Variants in CIT observed in about 807,000 individuals in gnomAD.
CIT encodes citron Rho-interacting kinase.
A neutral mutation model predicts 272.7 loss-of-function variants in CIT; 79 were observed. The ratio of observed to expected loss-of-function variants is 0.29; its 90% CI spans 0.24 to 0.35. The LOEUF (loss-of-function observed/expected upper bound fraction) is 0.35. Ranked by LOEUF, CIT falls within the 10% of genes least tolerant of loss-of-function variation. The pLI, the probability that CIT is intolerant of heterozygous loss-of-function variation, is 1.00. For synonymous variants in CIT, 948 were observed against 995.6 expected (o/e 0.95, Z 0.90); for missense variants, 1,909 against 2,618.3 (o/e 0.73, Z 5.91).
chr12:119,731,866 C>T (rs947049602), intron 26 of CIT, among the ~76,000 whole-genome samples: 2 of 146,046 alleles, frequency 1.4e-5, no homozygotes, highest in Non-Finnish European at 3.0e-5. Context: ...GATGGAGTCC[C>T]ACTCTGTCGC....
At chr12:119,746,457 C>A (rs1959421195) in intron 23 of CIT, among the ~76,000 whole-genome samples, 1 of 152,186 alleles carries the variant, frequency 6.6e-6, no homozygotes, top group Admixed American at 6.5e-5. Context: ...GGTGTGAAAT[C>A]TCTCAAAAAC....
At chr12:119,803,536 C>T (rs1384735107) in intron 9 of CIT, 147 bp from the exon 10 acceptor site, 1 of 538,750 alleles carries the variant, frequency 1.9e-6, no homozygotes, top group Non-Finnish European at 3.2e-6. Flanking sequence ...AACCTCGGCT[C>T]CTACAGCAAC....
chr12:119,745,394 A>AAAAAAAAAAAAAC (rs1565978173), intron 23 of CIT, among the ~76,000 whole-genome samples: 1 of 146,138 alleles, frequency 6.8e-6, no homozygotes, highest in African/African-American at 2.5e-5. Context: ...AAAAAAAAAA[A>AAAAAAAAAAAAAC]AAAACACCTG....
intron 40 of CIT, among the ~76,000 whole-genome samples, chr12:119,705,021 T>C (rs1214353626): frequency 6.6e-6 from 1 of 152,156 alleles, no homozygotes; most frequent in African/African-American, 2.4e-5. Flanking sequence ...CAAGCCATTC[T>C]CCCACCTCAG....
intron 9 of CIT, among the ~76,000 whole-genome samples, chr12:119,818,396 A>G (rs1967393017): frequency 6.6e-6 from 1 of 152,264 alleles, no homozygotes. Flanking sequence ...AAGTAGGCAC[A>G]GAATCCCTAT....
Position 119,713,819 on chromosome 12 carries a change from G to A in CIT, c.4307-171C>T. 7 of 700,478 alleles carry A rather than the reference G, an allele frequency of 1.0e-5. No homozygotes were observed. The highest frequency in any genetic ancestry group is 9.4e-5 in the South Asian group (5 of 53,316). The allele number at this position is 700,478 out of a possible 1,614,324, so 43.4% of individuals were successfully genotyped here. On this transcript the variant is annotated intron_variant, in intron 33 of 47. Coordinates refer to ENST00000392521, the MANE Select transcript of CIT (RefSeq NM_001206999.2). This position sits in a 1 kb window ranked among gnomAD's most constrained non-coding sequence, Gnocchi z 5.2. ...CCTGGTGCCAGGCCCCTGCAGAAAG[G>A]GAAAACAAAAGTGCCAAGTGCTCTT...
At position 119,688,103 on chromosome 12, in the gene CIT, G is replaced by C; in HGVS notation, c.*129C>G. ...AGACAGGGGTGTCCGTGCCGAGGTG[G>C]GTCTGGGCCCCGCTGAGCCAGAGGG... On this transcript the variant is annotated 3_prime_UTR_variant, in exon 48 of 48. Coordinates refer to ENST00000392521, the MANE Select transcript of CIT (RefSeq NM_001206999.2). The C allele has an allele frequency of 1.0e-6, 1 of 991,058 alleles. No individual in the cohort carries two copies. The highest frequency in any genetic ancestry group is 1.6e-6 in the Non-Finnish European group (1 of 624,172). 61.4% of individuals were successfully genotyped at this position (991,058 alleles called of 1,614,324 possible). A position where few individuals can be genotyped will look rare whatever the true frequency, so the allele number is the denominator to read the frequency against.
At chr12:119,864,075 C>T (rs1033591556) in intron 3 of CIT, among the ~76,000 whole-genome samples, 121 of 151,458 alleles carry the variant, frequency 8.0e-4, no homozygotes, top group African/African-American at 2.8e-3. Flanking sequence ...GACTCAGATG[C>T]ACGTTTAACC....
intron 28 of CIT, among the ~76,000 whole-genome samples, chr12:119,723,446 T>C (rs1957911853): frequency 6.8e-6 from 1 of 147,146 alleles, no homozygotes; most frequent in African/African-American, 2.5e-5. Flanking sequence ...CTCTATGAAA[T>C]GTTTTTCAGA....
intron 10 of CIT, among the ~76,000 whole-genome samples, chr12:119,792,202 C>A (rs1419422668): frequency 1.3e-5 from 2 of 152,148 alleles, no homozygotes; most frequent in Non-Finnish European, 2.9e-5. Flanking sequence ...GGACCCTATG[C>A]CTGCAAAATA....
intron 39 of CIT, 136 bp from the exon 40 acceptor site, chr12:119,708,454 T>C: frequency 1.2e-6 from 1 of 852,024 alleles, no homozygotes; most frequent in Non-Finnish European, 1.6e-6. Flanking sequence ...CAAATCCATA[T>C]AAACACATTT....
rs758842467 is a variant in CIT at position 119,742,581 on chromosome 12, A to G, written c.2905-117T>C. Reference sequence around the variant, plus strand: ...GGAAAGCCGAGAATGCGGCACCAGCATCTGTTTTTCTAAGAACTAATTAAT... The same window carrying G: ...GGAAAGCCGAGAATGCGGCACCAGCGTCTGTTTTTCTAAGAACTAATTAAT... On this transcript the variant is annotated intron_variant, in intron 23 of 47. Coordinates refer to ENST00000392521, the MANE Select transcript of CIT (RefSeq NM_001206999.2). 1.8e-3 allele frequency: 1,193 copies of G among 645,274 alleles called. 32 individuals carry two copies. The highest frequency in any genetic ancestry group is 1.9e-3 in the Middle Eastern group (7 of 3,670). The allele number at this position is 645,274 out of a possible 1,614,324, so 40.0% of individuals were successfully genotyped here.
rs1228245585 is a variant in CIT at position 119,716,464 on chromosome 12, G to T, written c.4168+1781C>A. On this transcript the variant is annotated intron_variant, in intron 32 of 47. Transcript: ENST00000392521. ...TATATAAACACAGGAGGAAGAAAAT[G>T]ACTTCAGGCTAAAGAAAAACAACAG... 9.6e-5 allele frequency among the ~76,000 whole-genome samples: 13 copies of T among 135,158 alleles called. 1 individual carries two copies. The South Asian group carries it at 2.7e-3, about 28-fold the overall frequency. 88.7% of individuals were successfully genotyped at this position (135,158 alleles called of 152,430 possible). A position where few individuals can be genotyped will look rare whatever the true frequency, so the allele number is the denominator to read the frequency against.
chr12:119,730,459 A>C, intron 27 of CIT, 36 bp downstream of exon 27: 1 of 1,544,178 alleles, frequency 6.5e-7, no homozygotes, highest in South Asian at 1.2e-5. Flanking sequence ...GGAAACGAAA[A>C]TGTTTTCCTA....
At chr12:119,708,960 A>G (rs959192352) in intron 39 of CIT, among the ~76,000 whole-genome samples, 2 of 152,230 alleles carry the variant, frequency 1.3e-5, no homozygotes, top group African/African-American at 4.8e-5. Flanking sequence ...CATTCTATGA[A>G]AAAACAGACT....
chr12:119,746,275 T>C (rs943102025), intron 23 of CIT, among the ~76,000 whole-genome samples: 1 of 152,216 alleles, frequency 6.6e-6, no homozygotes, highest in East Asian at 1.9e-4. Flanking sequence ...TATCCAGTCT[T>C]GGTTAGAACT....
At chr12:119,850,132 G>C in intron 5 of CIT, 42 bp downstream of exon 5, 1 of 1,217,474 alleles carries the variant, frequency 8.2e-7, no homozygotes. Context: ...CTGAGTGTCA[G>C]AGTGCTAGGC....
intron 10 of CIT, among the ~76,000 whole-genome samples, chr12:119,802,609 T>C (rs1458510029): frequency 6.6e-6 from 1 of 152,154 alleles, no homozygotes; most frequent in Non-Finnish European, 1.5e-5. Flanking sequence ...TTTCTCTGGC[T>C]GCCAGCGCTC....
chr12:119,837,672 A>G (rs1969102296), intron 5 of CIT, among the ~76,000 whole-genome samples: 1 of 152,228 alleles, frequency 6.6e-6, no homozygotes. Flanking sequence ...CACTGATTCT[A>G]AAAACCAGGA....
Sources: gnomAD v4.1 joint callset for allele counts (sites outside exome capture counted in the v4.1 genomes callset) on GRCh38, gnomAD v4.1.1 for gene constraint, Gnocchi (gnomAD v3.1) non-coding constraint, MANE v1.5 for transcripts, NCBI Gene and HGNC (gene_info 2026-07-23, HGNC 2026-07-21) for gene names.